Variants in EHBP1 observed in about 807,000 individuals in gnomAD.
The protein encoded by EHBP1 is EH domain binding protein 1, also known as EH domain-binding protein 1.
A neutral mutation model predicts 144.0 loss-of-function variants in EHBP1; 55 were observed. That is an observed-to-expected ratio of 0.38 (90% CI 0.31 to 0.48). The LOEUF (loss-of-function observed/expected upper bound fraction) is 0.48, where lower values mean the gene tolerates loss of function less well. Among genes scored for constraint, EHBP1 ranks in the 20% least tolerant of loss-of-function variants. The pLI is 0.98. For synonymous variants in EHBP1, 469 were observed against 472.7 expected, an observed-to-expected ratio of 0.99 and a Z score of 0.10; for missense variants, 1,200 against 1,364.2, an observed-to-expected ratio of 0.88 and a Z score of 1.90.
At chr2:62,785,269 G>T (rs2042723801) in intron 5 of EHBP1, among the ~76,000 whole-genome samples, 1 of 152,038 alleles carries the variant, frequency 6.6e-6, no homozygotes, top group African/African-American at 2.4e-5. Flanking sequence ...GTTTAAAAAA[G>T]ATATTTCTAT....
intron 5 of EHBP1, among the ~76,000 whole-genome samples, chr2:62,799,744 A>G: frequency 6.6e-6 from 1 of 152,360 alleles, no homozygotes; most frequent in South Asian, 2.1e-4. Flanking sequence ...ACTCTTTAAA[A>G]AACAACCTAA....
intron 21 of EHBP1, 35 bp downstream of exon 21, chr2:63,038,851 G>T: frequency 6.4e-7 from 1 of 1,570,994 alleles, no homozygotes; most frequent in Non-Finnish European, 8.8e-7. Flanking sequence ...GGTATGTGAC[G>T]TGTCAGTTGT....
At chr2:62,761,064 A>C (rs1335006763) in intron 3 of EHBP1, among the ~76,000 whole-genome samples, 1 of 152,154 alleles carries the variant, frequency 6.6e-6, no homozygotes, top group South Asian at 2.1e-4. Context: ...TTGATTAACC[A>C]TAAGAGTTAA....
chr2:62,687,816 G>T (rs2033769119), intron 1 of EHBP1, among the ~76,000 whole-genome samples: 2 of 152,176 alleles, frequency 1.3e-5, no homozygotes, highest in Non-Finnish European at 2.9e-5. Flanking sequence ...GAGTTAGTGT[G>T]TCCTTATAAA....
intron 19 of EHBP1, among the ~76,000 whole-genome samples, chr2:63,034,594 T>A (rs1160217893): frequency 1.3e-5 from 2 of 152,078 alleles, no homozygotes; most frequent in African/African-American, 4.8e-5. Context: ...TGCCTTTTTT[T>A]CTAGCAGTGC....
chr2:62,806,628 G>C (rs547315823), intron 5 of EHBP1, among the ~76,000 whole-genome samples: 1 of 152,014 alleles, frequency 6.6e-6, no homozygotes, highest in African/African-American at 2.4e-5. Flanking sequence ...TTCCCAAAGT[G>C]TGGGATTACA....
At chr2:62,675,030 T>A (rs1245027698) in intron 1 of EHBP1, among the ~76,000 whole-genome samples, 1 of 152,074 alleles carries the variant, frequency 6.6e-6, no homozygotes, top group Non-Finnish European at 1.5e-5. Context: ...TCAGTGAGAT[T>A]TCAGTGGGAT....
chr2:62,864,413 A>G (rs1447181106), intron 8 of EHBP1, among the ~76,000 whole-genome samples: 1 of 152,170 alleles, frequency 6.6e-6, no homozygotes, highest in Non-Finnish European at 1.5e-5. Context: ...CTAAGAAAAC[A>G]TTTTCAAAAT....
At chr2:62,710,792 T>G (rs573557390) in intron 2 of EHBP1, among the ~76,000 whole-genome samples, 63 of 152,296 alleles carry the variant, frequency 4.1e-4, no homozygotes, top group Non-Finnish European at 2.2e-4. Flanking sequence ...AGCTTAGTCT[T>G]CCAATTAGAC....
intron 12 of EHBP1, among the ~76,000 whole-genome samples, chr2:62,947,319 G>A (rs2057125041): frequency 6.6e-6 from 1 of 152,122 alleles, no homozygotes; most frequent in Non-Finnish European, 1.5e-5. Flanking sequence ...ACATAGCAAT[G>A]TACTTTAACA....
intron 1 of EHBP1, among the ~76,000 whole-genome samples, chr2:62,685,490 T>G (rs560942558): frequency 6.6e-6 from 1 of 152,246 alleles, no homozygotes; most frequent in South Asian, 2.1e-4. Context: ...TCTCTCTCTG[T>G]GGTTGTCTGT....
intron 10 of EHBP1, among the ~76,000 whole-genome samples, chr2:62,883,503 TTAGTTTGGATAAGACACCTGG>T (rs940308881): frequency 6.6e-6 from 1 of 152,184 alleles, no homozygotes; most frequent in Admixed American, 6.5e-5. Flanking sequence ...GATCTGGAAG[TTAGTTTGGATAAGACACCTGG>T]TAGTTTGGAT....
At chr2:63,009,334 G>A (rs1191833076) in intron 19 of EHBP1, among the ~76,000 whole-genome samples, 3 of 151,550 alleles carry the variant, frequency 2.0e-5, no homozygotes, top group Admixed American at 1.3e-4. Flanking sequence ...TGTCCTGTAT[G>A]AACATTTGAA....
rs964087829 is a variant in EHBP1 at position 63,044,434 on chromosome 2, C to G, written c.3278-632C>G. 2.6e-5 allele frequency: 4 copies of G among 151,996 alleles called. No individual in the cohort carries two copies. In the East Asian group the frequency reaches 7.7e-4, roughly 29 times the overall value. 9.4% of individuals were successfully genotyped at this position (151,996 alleles called of 1,614,324 possible). ...AAAAGAAAACTGGCTGTGATGCGAT[C>G]GAGAGCTGCAGTGTAATATTGCAGA... On this transcript the variant is annotated intron_variant, in intron 21 of 22. Coordinates refer to ENST00000431489, the MANE Select transcript of EHBP1 (RefSeq NM_001142616.3).
At chr2:62,856,013 A>G (rs1036297317) in intron 7 of EHBP1, among the ~76,000 whole-genome samples, 1 of 152,122 alleles carries the variant, frequency 6.6e-6, no homozygotes, top group African/African-American at 2.4e-5. Flanking sequence ...ACTCTTCAGG[A>G]CACCCTGCTT....
chr2:62,754,843 A>G (rs2040122568), intron 3 of EHBP1, among the ~76,000 whole-genome samples: 1 of 152,202 alleles, frequency 6.6e-6, no homozygotes. Context: ...GGGAAAGCGC[A>G]GTATGAGGGT....
chr2:63,040,118 T>C (rs567886013), intron 21 of EHBP1, among the ~76,000 whole-genome samples: 3 of 151,108 alleles, frequency 2.0e-5, no homozygotes, highest in East Asian at 3.9e-4. Context: ...AGTTGAAAAG[T>C]AGACACAGCA....
At chr2:62,962,619 CTA>C (rs1357684707) in intron 14 of EHBP1, among the ~76,000 whole-genome samples, 2 of 152,080 alleles carry the variant, frequency 1.3e-5, no homozygotes, top group Admixed American at 6.5e-5. Flanking sequence ...AAGAATGATG[CTA>C]TATATGTTTA....
chr2:62,833,238 T>G (rs1356820597), intron 7 of EHBP1, among the ~76,000 whole-genome samples: 2 of 152,174 alleles, frequency 1.3e-5, no homozygotes, highest in African/African-American at 2.4e-5. Flanking sequence ...CTAGCAGAGG[T>G]TGGTTCATAA....
Sources: gnomAD v4.1 joint callset for allele counts (sites outside exome capture counted in the v4.1 genomes callset) on GRCh38, gnomAD v4.1.1 for gene constraint, MANE v1.5 for transcripts, NCBI Gene and HGNC (gene_info 2026-07-23, HGNC 2026-07-21) for gene names.